Variants in KATNAL2 observed in about 807,000 individuals in gnomAD.
KATNAL2 encodes the protein katanin p60 ATPase-containing subunit A-like 2.
Under a neutral mutation model 76.3 loss-of-function variants are expected in KATNAL2, and 52 were observed. That is an observed-to-expected ratio of 0.68 (90% CI 0.55 to 0.86). The LOEUF is 0.86. KATNAL2 is among the 40% of genes least tolerant of loss of function. The pLI is 0.00. For missense variants in KATNAL2, 660 were observed against 668.9 expected (o/e 0.99, Z 0.15); for synonymous variants, 243 against 244.2 (o/e 1.00, Z 0.05).
intron 4 of KATNAL2, among the ~76,000 whole-genome samples, chr18:47,050,436 T>C (rs2061307203): frequency 1.3e-5 from 2 of 152,208 alleles, no homozygotes; most frequent in South Asian, 4.1e-4. Flanking sequence ...TGATTTTTTA[T>C]TACAATGTAT....
intron 3 of KATNAL2, among the ~76,000 whole-genome samples, chr18:46,965,557 C>T (rs1257560820): frequency 6.3e-5 from 8 of 126,008 alleles, no homozygotes; most frequent in Non-Finnish European, 1.3e-4. Flanking sequence ...GAAAGTCAAC[C>T]AGCAGAATCC....
chr18:47,066,993 T>A, intron 10 of KATNAL2, 28 bp from the exon 11 acceptor site: 1 of 1,403,246 alleles, frequency 7.1e-7, no homozygotes, highest in Non-Finnish European at 9.9e-7. Flanking sequence ...ACATCAGTTT[T>A]AAAAAAATGA....
At chr18:47,056,949 G>A (rs72903209) in intron 6 of KATNAL2, among the ~76,000 whole-genome samples, 7,485 of 151,866 alleles carry the variant, frequency 0.049, 223 homozygotes, top group African/African-American at 0.089. Flanking sequence ...TTTTGTGCCA[G>A]CAAAAGGGTA....
intron 3 of KATNAL2, among the ~76,000 whole-genome samples, chr18:47,032,128 G>A (rs2060493663): frequency 6.6e-6 from 1 of 152,186 alleles, no homozygotes; most frequent in African/African-American, 2.4e-5. Flanking sequence ...CTTTCATAGG[G>A]GTTCTGGGTG....
At position 47,066,847 on chromosome 18, in the gene KATNAL2, TTATATATATATA is replaced by T. The variant is rs56018747; in HGVS notation, c.727-139_727-128del. On this transcript the variant is annotated intron_variant, in intron 10 of 17. Transcript: ENST00000683218. ...CCAAAATTACAATGTATATATGTGT[TTATATATATATA>T]TATATATATATATATATATATATAT... Among the ~76,000 whole-genome samples the T allele has an allele frequency of 3.2e-3, 96 of 29,584 alleles. 1 individual carries two copies. The highest frequency in any genetic ancestry group is 8.5e-3 in the African/African-American group (78 of 9,130). The allele number at this position is 29,584 out of a possible 152,430, so 19.4% of individuals were successfully genotyped here. A position where few individuals can be genotyped will look rare whatever the true frequency, so the allele number is the denominator to read the frequency against.
chr18:46,931,232 G>A (rs986136756), intron 1 of KATNAL2, among the ~76,000 whole-genome samples: 1 of 151,184 alleles, frequency 6.6e-6, no homozygotes, highest in Non-Finnish European at 1.5e-5. Flanking sequence ...CCCAGGAAGC[G>A]GAGGTTGCAG....
chr18:47,098,692 A>T (rs2063351912), intron 15 of KATNAL2: 2 of 154,802 alleles, frequency 1.3e-5, no homozygotes, highest in African/African-American at 2.4e-5. Context: ...GGTTATTTGC[A>T]CTGGGCACCC....
chr18:47,099,907 T>C (rs1462948220), intron 16 of KATNAL2, among the ~76,000 whole-genome samples: 1 of 152,164 alleles, frequency 6.6e-6, no homozygotes, highest in Non-Finnish European at 1.5e-5. Flanking sequence ...AAATGGCAGG[T>C]ATGATCTTAT....
intron 1 of KATNAL2, among the ~76,000 whole-genome samples, chr18:46,939,052 C>T (rs776706243): frequency 3.3e-5 from 5 of 152,000 alleles, no homozygotes; most frequent in East Asian, 1.9e-4. Context: ...GAATAAATGA[C>T]GAAATGAGGC....
intron 1 of KATNAL2, among the ~76,000 whole-genome samples, chr18:46,926,524 G>A (rs372404139): frequency 8.8e-4 from 134 of 152,212 alleles, no homozygotes; most frequent in African/African-American, 2.9e-3. Flanking sequence ...CAATTTTGGA[G>A]TAGGTGTGGT....
chr18:47,071,610 T>G (rs1355503855), intron 13 of KATNAL2, among the ~76,000 whole-genome samples: 5 of 152,116 alleles, frequency 3.3e-5, no homozygotes, highest in African/African-American at 9.7e-5. Flanking sequence ...AAGTGGTGTT[T>G]GGAACCACGA....
chr18:46,931,324 A>G (rs1188616286), intron 1 of KATNAL2, among the ~76,000 whole-genome samples: 1 of 151,110 alleles, frequency 6.6e-6, no homozygotes, highest in Non-Finnish European at 1.5e-5. Flanking sequence ...AATAAATCAA[A>G]ATAAAATAAA....
chr18:47,059,481 A>T (rs2061567541), intron 7 of KATNAL2, 75 bp from the exon 8 acceptor site: 4 of 991,776 alleles, frequency 4.0e-6, no homozygotes, highest in Non-Finnish European at 6.4e-6. Context: ...ACTTTGCTTG[A>T]TGGAGTAGGC....
intron 15 of KATNAL2, among the ~76,000 whole-genome samples, chr18:47,097,118 CA>C (rs58101085): frequency 0.03 from 2,102 of 70,906 alleles, 19 homozygotes; most frequent in South Asian, 0.047. Flanking sequence ...GACCCTGGCT[CA>C]AAAAAAAAAA....
At chr18:47,071,701 G>C (rs2062008115) in intron 13 of KATNAL2, among the ~76,000 whole-genome samples, 1 of 151,982 alleles carries the variant, frequency 6.6e-6, no homozygotes, top group Non-Finnish European at 1.5e-5. Context: ...GGAAACTCAG[G>C]AAGTTTATAA....
At chr18:46,932,490 T>C (rs2058957699) in intron 1 of KATNAL2, among the ~76,000 whole-genome samples, 1 of 151,078 alleles carries the variant, frequency 6.6e-6, no homozygotes. Flanking sequence ...GCCTGGCCAA[T>C]GTGGTGAAAC....
At chr18:46,939,348 A>G (rs867697858) in intron 1 of KATNAL2, among the ~76,000 whole-genome samples, 17 of 152,154 alleles carry the variant, frequency 1.1e-4, no homozygotes, top group Admixed American at 3.3e-4. Flanking sequence ...TAAAAAAAAA[A>G]AAAAGAAAAG....
At chr18:47,034,704 A>G (rs755561380) in intron 3 of KATNAL2, 2 of 1,612,940 alleles carry the variant, frequency 1.2e-6, no homozygotes, top group Non-Finnish European at 1.7e-6. Context: ...TCCCGGGCGC[A>G]GCGGGCTCAG....
At chr18:46,942,577 G>T (rs1483469699) in intron 1 of KATNAL2, among the ~76,000 whole-genome samples, 1 of 152,160 alleles carries the variant, frequency 6.6e-6, no homozygotes, top group African/African-American at 2.4e-5. Context: ...TTGCACCACT[G>T]CACTCCAGAC....
Sources: gnomAD v4.1 joint callset for allele counts (sites outside exome capture counted in the v4.1 genomes callset) on GRCh38, gnomAD v4.1.1 for gene constraint, MANE v1.5 for transcripts, NCBI Gene and HGNC (gene_info 2026-07-23, HGNC 2026-07-21) for gene names.